Variants in TMEM132C observed in about 807,000 individuals in gnomAD.
TMEM132C encodes the protein protein phosphatase 1, regulatory subunit 152.
In TMEM132C, 29 loss-of-function variants were observed where a neutral mutation model predicts 61.4. The ratio of observed to expected loss-of-function variants is 0.47; its 90% CI spans 0.35 to 0.64. TMEM132C has a LOEUF of 0.64. TMEM132C is among the 30% of genes least tolerant of loss of function. TMEM132C has a pLI of 0.00. For synonymous variants in TMEM132C, 656 were observed against 633.1 expected (o/e 1.04, Z -0.54); for missense variants, 1,408 against 1,476.9 (o/e 0.95, Z 0.76).
intron 1 of TMEM132C, among the ~76,000 whole-genome samples, chr12:128,363,526 C>T (rs1178751325): frequency 2.6e-5 from 4 of 152,142 alleles, no homozygotes; most frequent in Non-Finnish European, 5.9e-5. Flanking sequence ...AGCCACTCTG[C>T]CCTGCACAGG....
chr12:128,620,425 G>A (rs556685499), intron 4 of TMEM132C, among the ~76,000 whole-genome samples: 69 of 152,244 alleles, frequency 4.5e-4, no homozygotes, highest in African/African-American at 1.5e-3. Flanking sequence ...GTGAGGTCCA[G>A]ATAGTGATCA....
chr12:128,472,164 T>C (rs75012257), intron 2 of TMEM132C, among the ~76,000 whole-genome samples: 11,267 of 152,156 alleles, frequency 0.074, 1,349 homozygotes, highest in African/African-American at 0.25. Context: ...GCCTCTGTGC[T>C]CCTGCAAACT....
intron 1 of TMEM132C, among the ~76,000 whole-genome samples, chr12:128,387,895 G>A (rs893716369): frequency 1.3e-5 from 2 of 152,198 alleles, no homozygotes; most frequent in African/African-American, 2.4e-5. Flanking sequence ...GGCGGGAGTC[G>A]CCCTGCCTGG....
At chr12:128,448,246 G>A (rs1049834721) in intron 2 of TMEM132C, among the ~76,000 whole-genome samples, 1 of 152,134 alleles carries the variant, frequency 6.6e-6, no homozygotes, top group African/African-American at 2.4e-5. Flanking sequence ...GAACTGTTAT[G>A]CAGCTTTTTG....
chr12:128,557,788 G>T (rs946541430), intron 3 of TMEM132C, among the ~76,000 whole-genome samples: 2 of 152,216 alleles, frequency 1.3e-5, no homozygotes, highest in African/African-American at 4.8e-5. Context: ...ACAAGACAGT[G>T]GCAAACTGCA....
In TMEM132C at chr12:128,688,883, T is replaced by G. The variant is rs550726237; in HGVS notation, c.1450-4946T>G. On this transcript the variant is annotated intron_variant, in intron 5 of 8. Transcript: ENST00000435159. ...ATCTCAGCTCACTGTAACCTCTGCC[T>G]CCCAGGTTCAAGCGATTCTCCTGCC... 2.6e-3 allele frequency among the ~76,000 whole-genome samples: 401 copies of G among 152,312 alleles called. 4 individuals carry two copies. The highest frequency in any genetic ancestry group is 9.1e-3 in the African/African-American group (379 of 41,570).
chr12:128,500,415 G>C (rs915852749), intron 2 of TMEM132C, among the ~76,000 whole-genome samples: 2 of 151,694 alleles, frequency 1.3e-5, no homozygotes, highest in African/African-American at 4.8e-5. Context: ...ACAACCTGCA[G>C]AATGGTAACA....
chr12:128,468,995 C>T (rs1328822839), intron 2 of TMEM132C, among the ~76,000 whole-genome samples: 3 of 152,210 alleles, frequency 2.0e-5, no homozygotes, highest in Admixed American at 6.5e-5. Flanking sequence ...CTCTAACTCT[C>T]TTGTTTCTTA....
At chr12:128,525,982 A>G (rs1011362556) in intron 2 of TMEM132C, among the ~76,000 whole-genome samples, 2 of 152,208 alleles carry the variant, frequency 1.3e-5, no homozygotes, top group African/African-American at 4.8e-5. Flanking sequence ...GGGAGCAGAA[A>G]AGAGACATGA....
chr12:128,372,479 A>G (rs184429763), intron 1 of TMEM132C, among the ~76,000 whole-genome samples: 1 of 152,344 alleles, frequency 6.6e-6, no homozygotes, highest in Admixed American at 6.5e-5. Flanking sequence ...AACAAAAGCT[A>G]CGTTTTCCAG....
At chr12:128,639,256 GGTGA>G (rs1954134645) in intron 4 of TMEM132C, among the ~76,000 whole-genome samples, 2 of 151,578 alleles carry the variant, frequency 1.3e-5, no homozygotes, top group Admixed American at 6.6e-5. Context: ...TAATGATGAT[GGTGA>G]TGATGATGAT....
chr12:128,583,590 A>G (rs1875429479), intron 3 of TMEM132C, among the ~76,000 whole-genome samples: 1 of 152,160 alleles, frequency 6.6e-6, no homozygotes, highest in Non-Finnish European at 1.5e-5. Flanking sequence ...TGATGCTGGG[A>G]ACAGGGAAGA....
chr12:128,324,635 C>T (rs889316323), intron 1 of TMEM132C, among the ~76,000 whole-genome samples: 10 of 152,162 alleles, frequency 6.6e-5, no homozygotes, highest in African/African-American at 2.4e-4. Flanking sequence ...CGAGGCGGGA[C>T]GATCACCTGA....
At chr12:128,577,582 C>T (rs1875160789) in intron 3 of TMEM132C, among the ~76,000 whole-genome samples, 1 of 152,258 alleles carries the variant, frequency 6.6e-6, no homozygotes, top group African/African-American at 2.4e-5. Flanking sequence ...ATGTTCCTTT[C>T]GGAAACTAAT....
intron 1 of TMEM132C, among the ~76,000 whole-genome samples, chr12:128,408,129 T>A (rs1325785234): frequency 6.6e-6 from 1 of 152,148 alleles, no homozygotes; most frequent in Non-Finnish European, 1.5e-5. Flanking sequence ...CTTCACTTCA[T>A]CCCTTCTCAC....
chr12:128,549,782 A>G (rs140480685), intron 3 of TMEM132C, among the ~76,000 whole-genome samples: 4 of 152,282 alleles, frequency 2.6e-5, no homozygotes, highest in African/African-American at 9.6e-5. Context: ...TGCTTTGCAT[A>G]TAATCCTCCT....
At chr12:128,650,698 A>C (rs1593134474) in intron 4 of TMEM132C, among the ~76,000 whole-genome samples, 1 of 151,976 alleles carries the variant, frequency 6.6e-6, no homozygotes, top group Non-Finnish European at 1.5e-5. Context: ...TTGCCACTGC[A>C]CTCCAGCCTG....
chr12:128,346,706 T>A (rs1234694540), intron 1 of TMEM132C, among the ~76,000 whole-genome samples: 3 of 152,220 alleles, frequency 2.0e-5, no homozygotes. Context: ...GTCTTGACTG[T>A]CGATGGCGTA....
At chr12:128,373,790 G>T (rs1874099167) in intron 1 of TMEM132C, among the ~76,000 whole-genome samples, 2 of 152,190 alleles carry the variant, frequency 1.3e-5, no homozygotes, top group Non-Finnish European at 2.9e-5. Flanking sequence ...ATTTGTTCAG[G>T]GTTTTGGAGG....
Sources: gnomAD v4.1 joint callset for allele counts (sites outside exome capture counted in the v4.1 genomes callset) on GRCh38, gnomAD v4.1.1 for gene constraint, MANE v1.5 for transcripts, NCBI Gene and HGNC (gene_info 2026-07-23, HGNC 2026-07-21) for gene names.